GRID1: variants seen among roughly 807,000 people sequenced by gnomAD.
GRID1 encodes glutamate receptor ionotropic, delta-1.
Under a neutral mutation model 98.0 loss-of-function variants are expected in GRID1, and 28 were observed. That is an observed-to-expected ratio of 0.29 (90% CI 0.21 to 0.39). The LOEUF (loss-of-function observed/expected upper bound fraction) is 0.39. Among genes scored for constraint, GRID1 ranks in the 10% least tolerant of loss-of-function variants. The pLI is 1.00. For synonymous variants in GRID1, 553 were observed against 538.5 expected (o/e 1.03, Z -0.37); for missense variants, 1,111 against 1,340.5 (o/e 0.83, Z 2.67).
chr10:86,287,160 G>A lies in GRID1; in HGVS notation c.235+76781C>T, dbSNP rs369990791. Among the ~76,000 whole-genome samples, 9 of 152,290 alleles carry A rather than the reference G, an allele frequency of 5.9e-5. No homozygotes were observed. In the East Asian group the frequency reaches 7.7e-4, roughly 13 times the overall value. ...GGAATGCCTGGGCACAGGAGGTCCC[G>A]TGGGGAAGGAGCTGCAGGTGAGGCT... On this transcript the variant is annotated intron_variant, in intron 2 of 15. Transcript: ENST00000327946.
intron 4 of GRID1, among the ~76,000 whole-genome samples, chr10:86,087,335 GTGTGTT>G (rs1844074843): frequency 7.7e-6 from 1 of 130,458 alleles, no homozygotes; most frequent in Non-Finnish European, 1.5e-5. Context: ...GTGGGTTTGA[GTGTGTT>G]TGTGTGTGTG....
chr10:85,995,669 A>G (rs1239907394), intron 4 of GRID1, among the ~76,000 whole-genome samples: 1 of 152,244 alleles, frequency 6.6e-6, no homozygotes, highest in Admixed American at 6.5e-5. Flanking sequence ...ACTGGCTGTA[A>G]GTTTACCAAG....
chr10:85,942,848 T>C (rs761284897), intron 4 of GRID1, among the ~76,000 whole-genome samples: 24 of 152,198 alleles, frequency 1.6e-4, no homozygotes, highest in Non-Finnish European at 3.2e-4. Flanking sequence ...TCAAAACTAT[T>C]AAATACTACA....
At chr10:85,931,242 C>T (rs149439934) in intron 4 of GRID1, among the ~76,000 whole-genome samples, 1 of 152,126 alleles carries the variant, frequency 6.6e-6, no homozygotes, top group East Asian at 1.9e-4. Context: ...TCCCTCTCCC[C>T]CTGCCCTACC....
chr10:85,945,446 T>C (rs1842043327), intron 4 of GRID1, among the ~76,000 whole-genome samples: 1 of 24,858 alleles, frequency 4.0e-5, no homozygotes, highest in African/African-American at 1.8e-4. Flanking sequence ...TTTTAATGGG[T>C]ACTGTACTGT....
intron 8 of GRID1, among the ~76,000 whole-genome samples, chr10:85,755,169 C>T (rs1296262001): frequency 6.6e-6 from 1 of 152,142 alleles, no homozygotes; most frequent in Non-Finnish European, 1.5e-5. Context: ...CCTAGGACTC[C>T]AGGCCTGGTC....
intron 8 of GRID1, among the ~76,000 whole-genome samples, chr10:85,771,973 T>C (rs12255369): frequency 6.6e-6 from 1 of 152,148 alleles, no homozygotes; most frequent in Non-Finnish European, 1.5e-5. Flanking sequence ...CAAGTGGACC[T>C]AATAGACATC....
chr10:86,366,655 G>A lies in GRID1; in HGVS notation c.-263C>T, dbSNP rs921561459. Among the ~76,000 whole-genome samples, 73 of 148,904 alleles carry A rather than the reference G, an allele frequency of 4.9e-4. No homozygotes were observed. The highest frequency in any genetic ancestry group is 1.3e-3 in the African/African-American group (52 of 41,240). On this transcript the variant is annotated 5_prime_UTR_variant, in exon 1 of 16. Coordinates refer to ENST00000327946, the MANE Select transcript of GRID1 (RefSeq NM_017551.3). This position sits in a 1 kb window ranked among gnomAD's most constrained non-coding sequence, Gnocchi z 4.1. ...CAGCTTGAGCCCAGGCCGGCGCGGC[G>A]GGGGCGGCCCGCGGCTGTGGCAGCG...
intron 4 of GRID1, among the ~76,000 whole-genome samples, chr10:86,038,677 G>A (rs368204082): frequency 6.6e-6 from 1 of 152,326 alleles, no homozygotes; most frequent in Non-Finnish European, 1.5e-5. Context: ...AAATTCCTTT[G>A]TCTTTTCTTC....
chr10:85,999,721 T>C (rs890820084), intron 4 of GRID1, among the ~76,000 whole-genome samples: 7 of 152,270 alleles, frequency 4.6e-5, no homozygotes, highest in African/African-American at 1.4e-4. Context: ...AAAAACCAAC[T>C]TGATTACATC....
chr10:86,000,167 C>T (rs1331898665), intron 4 of GRID1, among the ~76,000 whole-genome samples: 2 of 152,110 alleles, frequency 1.3e-5, no homozygotes, highest in African/African-American at 4.8e-5. Flanking sequence ...AGTTGTGTTT[C>T]CATATACTAG....
rs574716228 is a variant in GRID1, at chr10:86,182,891, G to T, written c.520+23473C>A. On this transcript the variant is annotated intron_variant, in intron 3 of 15. Transcript: ENST00000327946. ...TTATTTGAATGAATTCAGGAGTGAT[G>T]GTTTCTTTGGCATGGACAAAGAACC... is the stretch of plus-strand genomic sequence containing the variant. Among the ~76,000 whole-genome samples the T allele has an allele frequency of 2.0e-5, 3 of 152,252 alleles. No individual in the cohort carries two copies. The East Asian group carries it at 5.8e-4, about 29-fold the overall frequency.
At chr10:86,289,033 A>G (rs7901321) in intron 2 of GRID1, among the ~76,000 whole-genome samples, 10,590 of 152,158 alleles carry the variant, frequency 0.07, 1,052 homozygotes, top group African/African-American at 0.23. Context: ...TCTGCCTCCC[A>G]TGCCTCTTCT....
chr10:85,647,366 T>C lies in GRID1; in HGVS notation c.2029A>G (p.Met677Val). Residue 677 changes from methionine (M) to valine (V), a missense_variant, in exon 13 of 16, where the codon ATG (methionine) becomes GTG (valine). By Grantham distance (21) the Met-to-Val change is conservative (BLOSUM62 1). Transcript: ENST00000327946. ...TFQDLSKQVE[M>V]SYGTVRDSAV... ...GAATCCCGGACAGTGCCATAAGACA[T>C]TTCCACTTGTTTGGACAGGTCCTGG... The C allele has an allele frequency of 6.2e-7, 1 of 1,614,200 alleles. No individual in the cohort carries two copies. Among genetic ancestry groups the C allele is most frequent in the Non-Finnish European group, 8.5e-7 (1 of 1,180,018 alleles).
chr10:85,683,159 G>T lies in GRID1; in HGVS notation c.1998-35762C>A, dbSNP rs151038758. On this transcript the variant is annotated intron_variant, in intron 12 of 15. Coordinates refer to ENST00000327946, the MANE Select transcript of GRID1 (RefSeq NM_017551.3). ...TGTCTGTCTGAAACTTACTCACCAA[G>T]AGAGACCTCACTTTCTAGCAAGTTC... Among the ~76,000 whole-genome samples the T allele has an allele frequency of 5.2e-4, 79 of 152,276 alleles. 1 individual carries two copies. In the East Asian group the frequency reaches 0.014, roughly 27 times the overall value.
rs553054475 is a variant in GRID1 at position 86,092,452 on chromosome 10, G to T, written c.726+46367C>A. On this transcript the variant is annotated intron_variant, in intron 4 of 15. Coordinates refer to ENST00000327946, the MANE Select transcript of GRID1 (RefSeq NM_017551.3). ...CAAAGATAGAAGACTAAGAAAATAT[G>T]AACAAAGCTGCCAAGAAGTCTGGGA... 2.6e-5 allele frequency among the ~76,000 whole-genome samples: 4 copies of T among 152,178 alleles called. No homozygotes were observed. The South Asian group carries it at 8.3e-4, about 32-fold the overall frequency.
intron 5 of GRID1, among the ~76,000 whole-genome samples, chr10:85,914,034 C>A (rs574661678): frequency 6.6e-6 from 1 of 152,304 alleles, no homozygotes; most frequent in East Asian, 1.9e-4. Context: ...GTGGCTCCAA[C>A]AGGTATACCC....
At chr10:86,246,110 C>T (rs1352018301) in intron 2 of GRID1, among the ~76,000 whole-genome samples, 4 of 152,224 alleles carry the variant, frequency 2.6e-5, no homozygotes, top group Admixed American at 1.3e-4. Context: ...CAGGGAGCCA[C>T]GAGGCTGAAA....
At chr10:85,668,437 T>A (rs1478746373) in intron 12 of GRID1, among the ~76,000 whole-genome samples, 2 of 152,166 alleles carry the variant, frequency 1.3e-5, no homozygotes, top group East Asian at 3.8e-4. Context: ...TGACTCCAAA[T>A]CAAATTTGTC....
Sources: allele counts gnomAD v4.1 joint callset (sites outside exome capture counted in the v4.1 genomes callset), GRCh38; gene constraint gnomAD v4.1.1; non-coding constraint Gnocchi (gnomAD v3.1); transcripts MANE v1.5; gene names NCBI Gene and HGNC (gene_info 2026-07-23, HGNC 2026-07-21).